The following FOXP2 variants were observed in gnomAD, a reference collection of about 807,000 sequenced individuals.
FOXP2 encodes forkhead box protein P2.
Under a neutral mutation model 115.8 loss-of-function variants are expected in FOXP2, and 12 were observed. The observed-to-expected ratio is 0.10, with a 90% CI of 0.07 to 0.17. The LOEUF (loss-of-function observed/expected upper bound fraction) is 0.17. Among genes scored for constraint, FOXP2 ranks in the 10% least tolerant of loss-of-function variants. The probability of loss-of-function intolerance (pLI) is 1.00; values close to 1 mark genes in which losing one functional copy is unlikely to be tolerated. For synonymous variants in FOXP2, 328 were observed against 297.7 expected (o/e 1.10, Z -1.05); for missense variants, 629 against 843.5 (o/e 0.75, Z 3.15).
At chr7:114,295,440 T>C (rs938176492) in intron 2 of FOXP2, among the ~76,000 whole-genome samples, 6 of 152,198 alleles carry the variant, frequency 3.9e-5, no homozygotes, top group Non-Finnish European at 8.8e-5. Context: ...ATTTAAAATG[T>C]CATACAAATT....
At chr7:114,110,127 A>C (rs1584484220) in intron 1 of FOXP2, among the ~76,000 whole-genome samples, 1 of 152,306 alleles carries the variant, frequency 6.6e-6, no homozygotes, top group African/African-American at 2.4e-5. Flanking sequence ...AATTACAGCC[A>C]GAAGGGCTGT....
intron 1 of FOXP2, among the ~76,000 whole-genome samples, chr7:114,232,063 T>C (rs1042933928): frequency 6.6e-6 from 1 of 152,132 alleles, no homozygotes; most frequent in Non-Finnish European, 1.5e-5. Context: ...GAATCTACAT[T>C]TCTCCAAAGA....
chr7:114,498,402 C>A (rs1266466206), intron 2 of FOXP2, among the ~76,000 whole-genome samples: 1 of 152,128 alleles, frequency 6.6e-6, no homozygotes, highest in Non-Finnish European at 1.5e-5. Flanking sequence ...AAGGAAAATG[C>A]AGTCCTTCCT....
At chr7:114,685,128 C>T (rs183606469) in intron 16 of FOXP2, among the ~76,000 whole-genome samples, 1 of 152,170 alleles carries the variant, frequency 6.6e-6, no homozygotes, top group East Asian at 1.9e-4. Flanking sequence ...TGCTTATGTG[C>T]AGATCTTTCC....
intron 1 of FOXP2, among the ~76,000 whole-genome samples, chr7:114,276,851 T>C (rs1796202311): frequency 6.6e-6 from 1 of 152,166 alleles, no homozygotes; most frequent in Non-Finnish European, 1.5e-5. Flanking sequence ...CCAAGCTCCT[T>C]ACATGTGGAA....
chr7:114,453,514 A>G (rs1466499005), intron 2 of FOXP2, among the ~76,000 whole-genome samples: 1 of 152,032 alleles, frequency 6.6e-6, no homozygotes, highest in Non-Finnish European at 1.5e-5. Flanking sequence ...ATATTCCTTC[A>G]GCAAACATTG....
intron 2 of FOXP2, among the ~76,000 whole-genome samples, chr7:114,363,902 TAA>T (rs1219359984): frequency 6.6e-6 from 1 of 152,220 alleles, no homozygotes; most frequent in Non-Finnish European, 1.5e-5. Context: ...TTCCTGTCTA[TAA>T]GAGATATTTG....
At chr7:114,635,353 A>T (rs1805161499) in intron 6 of FOXP2, among the ~76,000 whole-genome samples, 2 of 152,188 alleles carry the variant, frequency 1.3e-5, no homozygotes. Context: ...CACTACCAAT[A>T]TGAACAATCC....
chr7:114,395,616 T>G (rs894915380), intron 2 of FOXP2, among the ~76,000 whole-genome samples: 1 of 152,210 alleles, frequency 6.6e-6, no homozygotes, highest in Non-Finnish European at 1.5e-5. Flanking sequence ...AAGAAGTCAA[T>G]GAGATTTTAT....
At chr7:114,384,299 C>G (rs1198650591) in intron 2 of FOXP2, among the ~76,000 whole-genome samples, 1 of 152,182 alleles carries the variant, frequency 6.6e-6, no homozygotes, top group Non-Finnish European at 1.5e-5. Flanking sequence ...GCTGACCCAT[C>G]AAGATGCATT....
intron 2 of FOXP2, among the ~76,000 whole-genome samples, chr7:114,445,607 G>T (rs116992362): frequency 6.6e-6 from 1 of 152,008 alleles, no homozygotes; most frequent in Non-Finnish European, 1.5e-5. Flanking sequence ...CTATGTACAT[G>T]GTCTTCTAAA....
chr7:114,543,810 CA>C (rs1245853989), intron 3 of FOXP2, among the ~76,000 whole-genome samples: 1 of 152,128 alleles, frequency 6.6e-6, no homozygotes, highest in Non-Finnish European at 1.5e-5. Flanking sequence ...TCTATTCTAC[CA>C]AATCTTGCCA....
intron 1 of FOXP2, among the ~76,000 whole-genome samples, chr7:114,175,272 G>A (rs948163402): frequency 4.6e-5 from 7 of 152,076 alleles, no homozygotes; most frequent in Non-Finnish European, 7.4e-5. Flanking sequence ...ATGTGTTAAG[G>A]ATGCTGTGTT....
At chr7:114,616,823 C>A (rs1301455299) in intron 3 of FOXP2, among the ~76,000 whole-genome samples, 1 of 152,062 alleles carries the variant, frequency 6.6e-6, no homozygotes, top group Non-Finnish European at 1.5e-5. Context: ...TCCCATAATC[C>A]CAGTGGTTTG....
chr7:114,428,896 G>A (rs1793986442), intron 2 of FOXP2, among the ~76,000 whole-genome samples: 1 of 151,454 alleles, frequency 6.6e-6, no homozygotes, highest in African/African-American at 2.4e-5. Context: ...ATCTCTACGT[G>A]TTGTTATTTA....
chr7:114,664,211 G>C (rs1807038810), intron 15 of FOXP2, 62 bp from the exon 16 acceptor site: 7 of 1,546,224 alleles, frequency 4.5e-6, no homozygotes, highest in Non-Finnish European at 6.2e-6. Flanking sequence ...GAAGATACAT[G>C]TTTTAAAAAT....
chr7:114,593,172 T>C (rs1290554922), intron 3 of FOXP2, among the ~76,000 whole-genome samples: 1 of 151,982 alleles, frequency 6.6e-6, no homozygotes, highest in Non-Finnish European at 1.5e-5. Context: ...AGACTTTTTT[T>C]CAAGAAATTT....
chr7:114,465,204 A>G (rs531464900), intron 2 of FOXP2, among the ~76,000 whole-genome samples: 2 of 152,200 alleles, frequency 1.3e-5, no homozygotes, highest in South Asian at 4.2e-4. Context: ...GGGTCAAGCA[A>G]TCCTCCCTCC....
chr7:114,406,863 A>G (rs890109962), intron 2 of FOXP2, among the ~76,000 whole-genome samples: 2 of 151,964 alleles, frequency 1.3e-5, no homozygotes, highest in Admixed American at 6.6e-5. Context: ...ACAGTACAGT[A>G]TATTTTCCTA....
Sources: allele counts gnomAD v4.1 joint callset (sites outside exome capture counted in the v4.1 genomes callset), GRCh38; gene constraint gnomAD v4.1.1; transcripts MANE v1.5; gene names NCBI Gene and HGNC (gene_info 2026-07-23, HGNC 2026-07-21).